The following WDR55 variants were observed in gnomAD, a reference collection of about 807,000 sequenced individuals.
WDR55 encodes the protein WD repeat domain 55.
WDR55 carries 31 observed loss-of-function variants against 34.0 expected under a neutral mutation model. The observed-to-expected ratio is 0.91, with a 90% CI of 0.69 to 1.23. The LOEUF (loss-of-function observed/expected upper bound fraction) is 1.23, where lower values mean the gene tolerates loss of function less well. WDR55 is among the 50% of genes most tolerant of loss of function. The pLI is 0.00. For missense variants in WDR55, 440 were observed against 494.6 expected (o/e 0.89, Z 1.05); for synonymous variants, 164 against 185.9 (o/e 0.88, Z 0.96).
chr5:140,665,545 G>A (rs1294882765), intron 1 of WDR55, among the ~76,000 whole-genome samples: 2 of 152,014 alleles, frequency 1.3e-5, no homozygotes, highest in Admixed American at 1.3e-4. Context: ...ATTTGTAGTA[G>A]AGACGGGGTT....
intron 3 of WDR55, 40 bp downstream of exon 3, chr5:140,668,542 G>A: frequency 6.2e-7 from 1 of 1,611,522 alleles, no homozygotes; most frequent in Non-Finnish European, 8.5e-7. Context: ...GCATGGAGGT[G>A]AAGGGTAAGG....
Position 140,669,695 on chromosome 5 carries a change from G to C in WDR55, c.*41G>C. The C allele has an allele frequency of 6.4e-7, 1 of 1,565,980 alleles. No individual in the cohort carries two copies. Reference sequence around the variant, plus strand: ...CTTGAGACGGGTCCTCACCAGGCAAGAGTCTTGCTTATTGGGCTGCATCCC... The same window carrying C: ...CTTGAGACGGGTCCTCACCAGGCAACAGTCTTGCTTATTGGGCTGCATCCC... On this transcript the variant is annotated 3_prime_UTR_variant, in exon 7 of 7. Transcript: ENST00000358337.
At position 140,668,610 on chromosome 5, in the gene WDR55, A is replaced by G; in HGVS notation, c.381-2A>G. On this transcript the variant is annotated splice_acceptor_variant, in intron 3 of 6. Coordinates refer to ENST00000358337, the MANE Select transcript of WDR55 (RefSeq NM_017706.5). LOFTEE classifies it high-confidence loss of function. ...CAAGAAGTTCTACATCTGTGTCTCTAGTGCCCCCATCAATAGTCTTCTGCT... is the reference window on the plus strand; with the variant it reads ...CAAGAAGTTCTACATCTGTGTCTCTGGTGCCCCCATCAATAGTCTTCTGCT... 1 of 1,613,086 alleles carries G rather than the reference A, an allele frequency of 6.2e-7. No individual in the cohort carries two copies.
In WDR55 at chr5:140,672,022, G is replaced by GT; in HGVS notation, c.*2368_*2369insT. The GT allele has an allele frequency of 3.4e-6, 2 of 581,530 alleles. No homozygotes were observed. The highest frequency in any genetic ancestry group is 6.1e-6 in the Non-Finnish European group (2 of 326,588). The allele number at this position is 581,530 out of a possible 1,614,324, so 36.0% of individuals were successfully genotyped here. A position where few individuals can be genotyped will look rare whatever the true frequency, so the allele number is the denominator to read the frequency against. On this transcript the variant is annotated 3_prime_UTR_variant, in exon 7 of 7. Transcript: ENST00000358337. The stretch of plus-strand genomic sequence containing the variant: ...ACCATCATAATGGCTAATCTTTACT[G>GT]GGAAAACTTGCTGTAAGTCAGTCAG...
At chr5:140,666,738 A>G (rs1480879959) in intron 1 of WDR55, 31 of 983,764 alleles carry the variant, frequency 3.2e-5, no homozygotes, top group Non-Finnish European at 3.5e-5. Flanking sequence ...ATTTTATTCT[A>G]TTATTGTGTA....
At chr5:140,667,192 A>G (rs1757945598) in intron 1 of WDR55, 1 of 969,598 alleles carries the variant, frequency 1.0e-6, no homozygotes, top group South Asian at 4.8e-5. Flanking sequence ...CTTTCTTCAC[A>G]TTCCACACAA....
intron 1 of WDR55, chr5:140,667,963 G>C: frequency 3.4e-6 from 1 of 298,172 alleles, no homozygotes; most frequent in Non-Finnish European, 6.3e-6. Flanking sequence ...GTCCAGGCTG[G>C]GGCTTTCAAA....
In WDR55 at chr5:140,668,648, T is replaced by C; in HGVS notation, c.417T>C (p.Asn139=). ...ATAGTCTTCTGCTGGTGGATGAGAA[T>C]GTTCTGGCCACTGGGGATGACACAG... ...PINSLLLVDE[N]VLATGDDTGG... The change falls in exon 4 of 7, where the codon AAT becomes AAC. Residue 139 remains asparagine, a synonymous_variant. Coordinates refer to ENST00000358337, the MANE Select transcript of WDR55 (RefSeq NM_017706.5). 1.2e-6 allele frequency: 2 copies of C among 1,614,040 alleles called. No individual in the cohort carries two copies. Among genetic ancestry groups the C allele is most frequent in the Non-Finnish European group, 1.7e-6 (2 of 1,179,950 alleles).
chr5:140,665,046 C>G lies in WDR55; in HGVS notation c.134C>G (p.Ala45Gly), dbSNP rs1201820241. 6.2e-7 allele frequency: 1 copy of G among 1,613,050 alleles called. No homozygotes were observed. The highest frequency in any genetic ancestry group is 2.2e-5 in the East Asian group (1 of 44,862). Residue 45 changes from alanine (A) to glycine (G), a missense_variant, in exon 1 of 7, where the codon GCG becomes GGG. Coordinates refer to ENST00000358337, the MANE Select transcript of WDR55 (RefSeq NM_017706.5). ...IVLEAPASGL[A>G]FHPARDLLAA... Reference sequence around the variant, plus strand: ...CTGGAAGCTCCGGCTAGTGGGCTGGCGTTCCATCCGGCCCGTGACCTACTG... The same window carrying G: ...CTGGAAGCTCCGGCTAGTGGGCTGGGGTTCCATCCGGCCCGTGACCTACTG...
chr5:140,665,239 C>A (rs185298691), intron 1 of WDR55, 136 bp downstream of exon 1: 2 of 730,320 alleles, frequency 2.7e-6, no homozygotes, highest in East Asian at 2.9e-5. Flanking sequence ...CAGTAACATT[C>A]GGCTCTTCTA....
Position 140,669,403 on chromosome 5 carries a change from C to G in WDR55, c.901C>G (p.Leu301Val). The change falls in exon 7 of 7, where the codon CTG (leucine) becomes GTG (valine). Residue 301 changes from leucine (L) to valine (V), a missense_variant. Physicochemically the swap from Leu to Val is conservative, Grantham distance 32. Coordinates refer to ENST00000358337, the MANE Select transcript of WDR55 (RefSeq NM_017706.5). ...GQHTGEPVEELALSHCGRFLA... is the reference protein window; with the variant it reads ...GQHTGEPVEEVALSHCGRFLA... The stretch of plus-strand genomic sequence containing the variant: ...GCACACTGGGGAGCCTGTGGAGGAG[C>G]TGGCCCTCTCCCACTGTGGCCGCTT... 6.2e-7 allele frequency: 1 copy of G among 1,614,118 alleles called. No homozygotes were observed. The highest frequency in any genetic ancestry group is 8.5e-7 in the Non-Finnish European group (1 of 1,180,008).
Position 140,671,157 on chromosome 5 carries a change from C to T in WDR55, c.*1503C>T, listed in dbSNP as rs1448658266. ...CAGGTGCCATAGGTCCCTGTCCCAG[C>T]AGGGAGGCTGATGGGCCTGGGCCCA... On this transcript the variant is annotated 3_prime_UTR_variant, in exon 7 of 7. Coordinates refer to ENST00000358337, the MANE Select transcript of WDR55 (RefSeq NM_017706.5). The T allele has an allele frequency of 8.8e-7, 1 of 1,136,718 alleles. No homozygotes were observed. Among genetic ancestry groups the T allele is most frequent in the Admixed American group, 2.0e-5 (1 of 50,512 alleles). 70.4% of individuals were successfully genotyped at this position (1,136,718 alleles called of 1,614,324 possible).
At position 140,665,174 on chromosome 5, in the gene WDR55, T is replaced by C. The variant is rs1012808926; in HGVS notation, c.191+71T>C. ...GGGGTGGACCTGGGAACAGGAGAGA[T>C]GAGAGAAAGTTGCAGGGAGACAAAT... On this transcript the variant is annotated intron_variant, in intron 1 of 6. Transcript: ENST00000358337. 2.1e-6 allele frequency: 3 copies of C among 1,440,230 alleles called. No homozygotes were observed. The East Asian group carries it at 7.1e-5, about 34-fold the overall frequency. 89.2% of individuals were successfully genotyped at this position (1,440,230 alleles called of 1,614,324 possible).
At chr5:140,666,752 G>C in intron 1 of WDR55, 1 of 985,282 alleles carries the variant, frequency 1.0e-6, no homozygotes, top group South Asian at 4.7e-5. Flanking sequence ...TTGTGTACAT[G>C]TACACAAAAT....
At position 140,672,049 on chromosome 5, in the gene WDR55, GTGCTAAGTA is replaced by G; in HGVS notation, c.*2396_*2404del. The stretch of plus-strand genomic sequence containing the variant: ...GAAAACTTGCTGTAAGTCAGTCAGT[GTGCTAAGTA>G]CCGTACACCCATTATGTTACTTAAT... On this transcript the variant is annotated 3_prime_UTR_variant, in exon 7 of 7. Coordinates refer to ENST00000358337, the MANE Select transcript of WDR55 (RefSeq NM_017706.5). 1.8e-6 allele frequency: 1 copy of G among 569,260 alleles called. No individual in the cohort carries two copies. The highest frequency in any genetic ancestry group is 3.1e-6 in the Non-Finnish European group (1 of 318,506). 35.3% of individuals were successfully genotyped at this position (569,260 alleles called of 1,614,324 possible).
In WDR55 at chr5:140,664,946, G is replaced by A. The variant is rs1188659125; in HGVS notation, c.34G>A (p.Asp12Asn). ...DRTCEERPAE[D>N]GSDEEDPDSM... ...CACTTGTGAGGAGAGGCCCGCTGAG[G>A]ATGGGAGCGACGAGGAGGACCCAGA... The change falls in exon 1 of 7, where the codon GAT (aspartate) becomes AAT (asparagine). Residue 12 changes from aspartate (D) to asparagine (N), a missense_variant. By Grantham distance (23) the Asp-to-Asn change is conservative. Coordinates refer to ENST00000358337, the MANE Select transcript of WDR55 (RefSeq NM_017706.5). The A allele has an allele frequency of 6.2e-7, 1 of 1,611,266 alleles. No homozygotes were observed. The highest frequency in any genetic ancestry group is 1.1e-5 in the South Asian group (1 of 90,536).
Position 140,670,099 on chromosome 5 carries a change from G to A in WDR55, c.*445G>A, listed in dbSNP as rs1238123449. On this transcript the variant is annotated 3_prime_UTR_variant, in exon 7 of 7. Transcript: ENST00000358337. ...GGCTGGAGTACAGTGGGTTGATCATGGCTCACTGCATCCTTGACTTCCTGG... is the reference window on the plus strand; with the variant it reads ...GGCTGGAGTACAGTGGGTTGATCATAGCTCACTGCATCCTTGACTTCCTGG... The A allele has an allele frequency of 1.2e-5, 2 of 162,982 alleles. No individual in the cohort carries two copies. Among genetic ancestry groups the A allele is most frequent in the Non-Finnish European group, 2.7e-5 (2 of 74,606 alleles). 10.1% of individuals were successfully genotyped at this position (162,982 alleles called of 1,614,324 possible). A position where few individuals can be genotyped will look rare whatever the true frequency, so the allele number is the denominator to read the frequency against.
At position 140,671,204 on chromosome 5, in the gene WDR55, G is replaced by T; in HGVS notation, c.*1550G>T. The T allele has an allele frequency of 1.3e-6, 2 of 1,553,400 alleles. No homozygotes were observed. The highest frequency in any genetic ancestry group is 1.8e-6 in the Non-Finnish European group (2 of 1,128,912). On this transcript the variant is annotated 3_prime_UTR_variant, in exon 7 of 7. Coordinates refer to ENST00000358337, the MANE Select transcript of WDR55 (RefSeq NM_017706.5). ...CCCATGCCCCTCCCCACCTTTGGGG[G>T]TCAGAAAGTGGCCACCCAGGCCTGC...
In WDR55 at chr5:140,669,619, G is replaced by A. The variant is rs550762197; in HGVS notation, c.1117G>A (p.Glu373Lys). 1.2e-6 allele frequency: 2 copies of A among 1,614,016 alleles called. No individual in the cohort carries two copies. The highest frequency in any genetic ancestry group is 1.7e-6 in the Non-Finnish European group (2 of 1,179,944). The change falls in exon 7 of 7, where the codon GAA becomes AAA. Residue 373 changes from glutamate to lysine, a missense_variant. Coordinates refer to ENST00000358337, the MANE Select transcript of WDR55 (RefSeq NM_017706.5). ...AGAGGGAGAAGACTCCATGGCTCAG[G>A]AAGAAAAGGAGGAGACTGGGGATGA... ...REEGEDSMAQ[E>K]EKEETGDDSD
Sources: allele counts gnomAD v4.1 joint callset (sites outside exome capture counted in the v4.1 genomes callset), GRCh38; gene constraint gnomAD v4.1.1; transcripts MANE v1.5; gene names NCBI Gene and HGNC (gene_info 2026-07-23, HGNC 2026-07-21).